The following LMNB1 variants were observed in gnomAD, a reference collection of about 807,000 sequenced individuals.
LMNB1 encodes the protein lamin-B1.
A neutral mutation model predicts 67.1 loss-of-function variants in LMNB1; 23 were observed. That is an observed-to-expected ratio of 0.34 (90% CI 0.25 to 0.49). The LOEUF is 0.49. Ranked by LOEUF, LMNB1 falls within the 20% of genes least tolerant of loss-of-function variation. LMNB1 has a pLI of 0.99. For synonymous variants in LMNB1, 281 were observed against 282.9 expected, an observed-to-expected ratio of 0.99 and a Z score of 0.07; for missense variants, 634 against 746.5, an observed-to-expected ratio of 0.85 and a Z score of 1.76.
intron 1 of LMNB1, among the ~76,000 whole-genome samples, chr5:126,780,285 G>C (rs1188623601): frequency 6.6e-6 from 1 of 152,188 alleles, no homozygotes; most frequent in Non-Finnish European, 1.5e-5. Context: ...ATGAATTACT[G>C]TTCTTTGTTG....
intron 1 of LMNB1, among the ~76,000 whole-genome samples, chr5:126,800,951 C>CTACATATATATATATATATA (rs1210732092): frequency 2.1e-4 from 10 of 47,314 alleles, no homozygotes; most frequent in Admixed American, 1.1e-3. Flanking sequence ...TGCAGCCAGA[C>CTACATATATATATATATATA]TATATATATA....
At chr5:126,801,170 A>C (rs756866503) in intron 1 of LMNB1, among the ~76,000 whole-genome samples, 8 of 149,978 alleles carry the variant, frequency 5.3e-5, no homozygotes, top group Non-Finnish European at 8.9e-5. Flanking sequence ...TTTTTAGTAG[A>C]GATGGGGTCT....
chr5:126,799,324 C>G (rs1561741730), intron 1 of LMNB1, among the ~76,000 whole-genome samples: 1 of 152,294 alleles, frequency 6.6e-6, no homozygotes, highest in South Asian at 2.1e-4. Context: ...GATGCATTGA[C>G]TTTTTCACTG....
intron 9 of LMNB1, among the ~76,000 whole-genome samples, chr5:126,832,019 A>C (rs2126740333): frequency 6.6e-6 from 1 of 152,222 alleles, no homozygotes; most frequent in African/African-American, 2.4e-5. Context: ...TAATCCCAGC[A>C]CTTTGGGAGG....
chr5:126,822,758 C>A, intron 7 of LMNB1, 23 bp from the exon 8 acceptor site: 1 of 1,425,426 alleles, frequency 7.0e-7, no homozygotes, highest in Non-Finnish European at 9.9e-7. Flanking sequence ...AGTAACACCC[C>A]TCACCCTCCT....
chr5:126,789,257 CA>C (rs1161862615), intron 1 of LMNB1, among the ~76,000 whole-genome samples: 9 of 152,120 alleles, frequency 5.9e-5, no homozygotes, highest in Non-Finnish European at 1.5e-5. Flanking sequence ...AAACATTGGA[CA>C]GGGGACCAGA....
At chr5:126,805,889 G>A (rs72780205) in intron 3 of LMNB1, among the ~76,000 whole-genome samples, 193 bp downstream of exon 3, 3,591 of 152,288 alleles carry the variant, frequency 0.024, 53 homozygotes, top group Non-Finnish European at 0.036. Context: ...CTAAAAGACC[G>A]CATTTGAGAA....
rs561989552 is a variant in LMNB1 at position 126,777,195 on chromosome 5, C to A, written c.-314C>A. 6.5e-5 allele frequency: 17 copies of A among 261,282 alleles called. No individual in the cohort carries two copies. Among genetic ancestry groups the A allele is most frequent in the Non-Finnish European group, 1.0e-4 (14 of 138,934 alleles). The allele number at this position is 261,282 out of a possible 1,614,324, so 16.2% of individuals were successfully genotyped here. On this transcript the variant is annotated 5_prime_UTR_variant, in exon 1 of 11. Transcript: ENST00000261366. Reference sequence around the variant, plus strand: ...GAGCAGGAGACGGCGGCGGCGCGAACCCTGCTGGGCCTCCAGTCACCCTCG... The same window carrying A: ...GAGCAGGAGACGGCGGCGGCGCGAAACCTGCTGGGCCTCCAGTCACCCTCG...
At position 126,822,880 on chromosome 5, in the gene LMNB1, G is replaced by C. The variant is rs370526843; in HGVS notation, c.1486G>C (p.Val496Leu). 6 of 1,544,684 alleles carry C rather than the reference G, an allele frequency of 3.9e-6. No individual in the cohort carries two copies. The African/African-American group carries it at 6.8e-5, about 18-fold the overall frequency. The part of the protein sequence containing the change: ...SRYVLKAGQT[V>L]TIWAANAGVT... ...ATATGTGCTGAAGGCAGGCCAGACT[G>C]TTACAGTAAGTGAATCTAGTCATCA... The change falls in exon 8 of 11, where the codon GTT becomes CTT. Residue 496 changes from valine (V) to leucine (L), a missense_variant. Val to Leu is a conservative substitution (Grantham distance 32). Transcript: ENST00000261366.
intron 10 of LMNB1, 117 bp from the exon 11 acceptor site, chr5:126,836,106 C>A: frequency 5.5e-6 from 4 of 724,898 alleles, no homozygotes; most frequent in Non-Finnish European, 9.8e-6. Flanking sequence ...GATAAAGGGT[C>A]CATTTGAGGT....
chr5:126,791,111 AATG>A (rs1750945073), intron 1 of LMNB1, among the ~76,000 whole-genome samples: 1 of 152,180 alleles, frequency 6.6e-6, no homozygotes, highest in African/African-American at 2.4e-5. Flanking sequence ...CTGCAGAAGT[AATG>A]ATGAGTGAAA....
At chr5:126,805,540 T>A (rs1751393689) in intron 2 of LMNB1, 31 bp from the exon 3 acceptor site, 1 of 1,523,352 alleles carries the variant, frequency 6.6e-7, no homozygotes, top group Non-Finnish European at 9.0e-7. Context: ...TGCCATGTAA[T>A]TTTTATCACA....
At chr5:126,825,243 T>C (rs1234741660) in intron 8 of LMNB1, among the ~76,000 whole-genome samples, 2 of 152,324 alleles carry the variant, frequency 1.3e-5, no homozygotes, top group East Asian at 1.9e-4. Flanking sequence ...ATCCATTCTC[T>C]TTTGCCAGTA....
intron 9 of LMNB1, among the ~76,000 whole-genome samples, chr5:126,832,261 C>T (rs1485186381): frequency 6.6e-6 from 1 of 151,792 alleles, no homozygotes; most frequent in East Asian, 1.9e-4. Context: ...GAGTGAGACT[C>T]TGTCTCCAAA....
Position 126,777,213 on chromosome 5 carries a change from C to A in LMNB1, c.-296C>A. 1 of 294,364 alleles carries A rather than the reference C, an allele frequency of 3.4e-6. No homozygotes were observed. Among genetic ancestry groups the A allele is most frequent in the Non-Finnish European group, 6.2e-6 (1 of 160,174 alleles). The allele number at this position is 294,364 out of a possible 1,614,324, so 18.2% of individuals were successfully genotyped here. ...GCGCGAACCCTGCTGGGCCTCCAGT[C>A]ACCCTCGTCTTGCATTTTCCCGCGT... On this transcript the variant is annotated 5_prime_UTR_variant, in exon 1 of 11. Transcript: ENST00000261366.
intron 1 of LMNB1, among the ~76,000 whole-genome samples, chr5:126,778,417 G>C (rs1389478174): frequency 1.3e-5 from 2 of 152,216 alleles, no homozygotes; most frequent in African/African-American, 4.8e-5. Flanking sequence ...CGCGTCTCCT[G>C]GGGGTGGGTC....
rs57114367 is a variant in LMNB1, at chr5:126,800,982, A to ATTTTTTTTTTTT, written c.360-3787_360-3776dup. On this transcript the variant is annotated intron_variant, in intron 1 of 10. Transcript: ENST00000261366. Reference sequence around the variant, plus strand: ...ATATATATATATATATATATATATAATTTTTTTTTTTTTTTTTTGGTGGTA... The same window carrying ATTTTTTTTTTTT: ...ATATATATATATATATATATATATAATTTTTTTTTTTTTTTTTTTTTTTTTTTTTTGGTGGTA... Among the ~76,000 whole-genome samples the ATTTTTTTTTTTT allele has an allele frequency of 5.4e-3, 101 of 18,626 alleles. 9 individuals are homozygous for ATTTTTTTTTTTT. Among genetic ancestry groups the ATTTTTTTTTTTT allele is most frequent in the African/African-American group, 0.014 (85 of 5,918 alleles). The allele number at this position is 18,626 out of a possible 152,430, so 12.2% of individuals were successfully genotyped here.
chr5:126,813,832 A>T (rs1467873910), intron 5 of LMNB1, among the ~76,000 whole-genome samples: 13 of 152,154 alleles, frequency 8.5e-5, no homozygotes, highest in Non-Finnish European at 1.5e-5. Flanking sequence ...GAGGGTTAGG[A>T]TTTAAACATG....
At chr5:126,795,338 A>G (rs1751059992) in intron 1 of LMNB1, among the ~76,000 whole-genome samples, 1 of 152,034 alleles carries the variant, frequency 6.6e-6, no homozygotes, top group African/African-American at 2.4e-5. Flanking sequence ...GGGTTTCACC[A>G]TGTTGCCCAG....
Sources: allele counts gnomAD v4.1 joint callset (sites outside exome capture counted in the v4.1 genomes callset), GRCh38; gene constraint gnomAD v4.1.1; transcripts MANE v1.5; gene names NCBI Gene and HGNC (gene_info 2026-07-23, HGNC 2026-07-21).